Variants in RSF1 observed in about 807,000 individuals in gnomAD.
RSF1 encodes HBV pX-associated protein 8.
A neutral mutation model predicts 145.2 loss-of-function variants in RSF1; 13 were observed. The observed-to-expected ratio is 0.09, with a 90% confidence interval of 0.06 to 0.14. The LOEUF (loss-of-function observed/expected upper bound fraction) is 0.14. Among genes scored for constraint, RSF1 ranks in the 10% least tolerant of loss-of-function variants. The pLI is 1.00. For synonymous variants in RSF1, 577 were observed against 592.6 expected, an observed-to-expected ratio of 0.97 and a Z score of 0.38; for missense variants, 1,517 against 1,718.2, an observed-to-expected ratio of 0.88 and a Z score of 2.07.
chr11:77,707,311 A>G (rs1960574154), intron 5 of RSF1, among the ~76,000 whole-genome samples: 1 of 152,208 alleles, frequency 6.6e-6, no homozygotes, highest in Non-Finnish European at 1.5e-5. Flanking sequence ...TTCATGAGGT[A>G]GCTTTTACTA....
the RSF1 span, among the ~76,000 whole-genome samples, chr11:77,854,695 G>T: frequency 6.6e-6 from 1 of 152,124 alleles, no homozygotes; most frequent in African/African-American, 2.4e-5. Flanking sequence ...AGTGCCTGCG[G>T]GTTTTCCAGG....
At chr11:77,700,695 T>C (rs748656848) in intron 6 of RSF1, 26 bp downstream of exon 6, 5 of 1,499,840 alleles carry the variant, frequency 3.3e-6, no homozygotes, top group Non-Finnish European at 4.4e-6. Context: ...ACAAATATTT[T>C]TAATTAAAGT....
the RSF1 span, chr11:77,842,375 AT>A: frequency 1.8e-6 from 2 of 1,091,998 alleles, no homozygotes; most frequent in Non-Finnish European, 2.6e-6. Flanking sequence ...AAATGAAAAG[AT>A]GCTTCTTAAA....
chr11:77,844,987 T>G, the RSF1 span, among the ~76,000 whole-genome samples: 7 of 152,218 alleles, frequency 4.6e-5, no homozygotes, highest in Non-Finnish European at 1.0e-4. Flanking sequence ...TTAGCATTAT[T>G]AGATCTCCCT....
chr11:77,708,943 T>C (rs77496153), intron 5 of RSF1, among the ~76,000 whole-genome samples: 2,757 of 152,266 alleles, frequency 0.018, 81 homozygotes, highest in African/African-American at 0.062. Flanking sequence ...AAGTCTACCA[T>C]TGTAGTGAAA....
Position 77,700,998 on chromosome 11 carries a change from T to G in RSF1, c.2231A>C (p.Lys744Thr), listed in dbSNP as rs1471883593. 5 of 1,613,438 alleles carry G rather than the reference T, an allele frequency of 3.1e-6. No homozygotes were observed. The highest frequency in any genetic ancestry group is 4.2e-6 in the Non-Finnish European group (5 of 1,180,024). The change falls in exon 6 of 16, where the codon AAG becomes ACG. Residue 744 changes from lysine to threonine, a missense_variant. By Grantham distance (78) the Lys-to-Thr change is moderately conservative. Transcript: ENST00000308488. ...KLTIRISSRK[K>T]KPDSPPKVLE... is the part of the protein sequence containing the mutation. ...AACTTTGGGGGGAGAATCGGGCTTC[T>G]TTTTCCGACTTGATATCCTGATTGT...
intron 1 of RSF1, among the ~76,000 whole-genome samples, chr11:77,777,283 TACC>T (rs1460963935): frequency 6.6e-6 from 1 of 152,206 alleles, no homozygotes; most frequent in Non-Finnish European, 1.5e-5. Flanking sequence ...ATATCATTAT[TACC>T]ACATTTTCAA....
chr11:77,786,851 T>C (rs190474841), intron 1 of RSF1, among the ~76,000 whole-genome samples: 2 of 152,260 alleles, frequency 1.3e-5, no homozygotes, highest in Admixed American at 1.3e-4. Context: ...CTCAAGACAT[T>C]ATACGAGTAA....
intron 3 of RSF1, among the ~76,000 whole-genome samples, chr11:77,746,136 G>A (rs1040983194): frequency 3.9e-5 from 6 of 152,050 alleles, no homozygotes; most frequent in Admixed American, 3.9e-4. Flanking sequence ...AAAGTTATGA[G>A]TATAATTTCT....
At chr11:77,782,939 A>C (rs1285813859) in intron 1 of RSF1, among the ~76,000 whole-genome samples, 1 of 152,230 alleles carries the variant, frequency 6.6e-6, no homozygotes, top group East Asian at 1.9e-4. Context: ...CTGAGTTAAA[A>C]TCTATTATTT....
chr11:77,821,430 G>T (rs1411486217), upstream of RSF1, among the ~76,000 whole-genome samples: 1 of 152,182 alleles, frequency 6.6e-6, no homozygotes, highest in South Asian at 2.1e-4. Flanking sequence ...CTCTGTGGAA[G>T]TTTGCCGACG....
At chr11:77,704,567 T>A (rs901240503) in intron 5 of RSF1, among the ~76,000 whole-genome samples, 2 of 152,162 alleles carry the variant, frequency 1.3e-5, no homozygotes, top group African/African-American at 4.8e-5. Context: ...GGTTCAAGAT[T>A]CCCAGGTTCA....
intron 1 of RSF1, among the ~76,000 whole-genome samples, chr11:77,787,831 A>G (rs1045632329): frequency 6.7e-6 from 1 of 150,048 alleles, no homozygotes. Flanking sequence ...CCTTCAGAAC[A>G]GTAAAAAAAA....
chr11:77,846,692 G>A, the RSF1 span, among the ~76,000 whole-genome samples: 2 of 152,178 alleles, frequency 1.3e-5, no homozygotes, highest in East Asian at 3.9e-4. Flanking sequence ...GGTAACAAGA[G>A]TGAAACTACA....
chr11:77,699,189 T>G (rs1960353218), intron 6 of RSF1, among the ~76,000 whole-genome samples: 1 of 152,190 alleles, frequency 6.6e-6, no homozygotes, highest in Non-Finnish European at 1.5e-5. Flanking sequence ...TCACATATTT[T>G]CATGTAAAAA....
At chr11:77,751,323 G>A (rs753693446) in intron 2 of RSF1, among the ~76,000 whole-genome samples, 2 of 152,318 alleles carry the variant, frequency 1.3e-5, no homozygotes, top group Admixed American at 6.5e-5. Flanking sequence ...AAGAGCCTAA[G>A]ATCTCATCCC....
At chr11:77,811,287 A>T (rs1161816551) in intron 1 of RSF1, among the ~76,000 whole-genome samples, 1 of 152,264 alleles carries the variant, frequency 6.6e-6, no homozygotes, top group Non-Finnish European at 1.5e-5. Context: ...ATGGTCCTAT[A>T]GTAAGTTGAG....
chr11:77,779,374 T>C (rs1948380117), intron 1 of RSF1, among the ~76,000 whole-genome samples: 1 of 149,450 alleles, frequency 6.7e-6, no homozygotes, highest in South Asian at 2.1e-4. Flanking sequence ...CCTTGCTATT[T>C]CTAAAAAAAA....
At chr11:77,694,955 T>C (rs1396410534) in intron 7 of RSF1, among the ~76,000 whole-genome samples, 1 of 152,180 alleles carries the variant, frequency 6.6e-6, no homozygotes, top group African/African-American at 2.4e-5. Flanking sequence ...GAGAAGAGCC[T>C]ACAGAGGGGA....
Sources: gnomAD v4.1 joint callset for allele counts (sites outside exome capture counted in the v4.1 genomes callset) on GRCh38, gnomAD v4.1.1 for gene constraint, MANE v1.5 for transcripts, NCBI Gene and HGNC (gene_info 2026-07-23, HGNC 2026-07-21) for gene names.